The following LARGE1 variants were observed in gnomAD, a reference collection of about 807,000 sequenced individuals.
LARGE1 encodes LARGE xylosyl- and glucuronyltransferase 1, also known as xylosyl- and glucuronyltransferase LARGE1.
Under a neutral mutation model 87.6 loss-of-function variants are expected in LARGE1, and 43 were observed. That is an observed-to-expected ratio of 0.49 (90% confidence interval 0.38 to 0.63). The LOEUF is 0.63. Among genes scored for constraint, LARGE1 ranks in the 30% least tolerant of loss-of-function variants. LARGE1 has a pLI of 0.00. For synonymous variants in LARGE1, 434 were observed against 394.6 expected (o/e 1.10, Z -1.18); for missense variants, 802 against 1,000.2 (o/e 0.80, Z 2.67).
intron 4 of LARGE1, among the ~76,000 whole-genome samples, chr22:33,616,191 T>C (rs944919873): frequency 3.3e-5 from 5 of 152,086 alleles, no homozygotes; most frequent in African/African-American, 1.2e-4. Context: ...AGAACATTCT[T>C]AGCAGAATTG....
intron 7 of LARGE1, among the ~76,000 whole-genome samples, chr22:33,399,456 G>A (rs980463003): frequency 6.6e-6 from 1 of 152,228 alleles, no homozygotes; most frequent in East Asian, 1.9e-4. Flanking sequence ...ACGTGTGCAT[G>A]TGTCTTTATA....
At chr22:33,096,740 T>G in the LARGE1 span, among the ~76,000 whole-genome samples, 2 of 151,920 alleles carry the variant, frequency 1.3e-5, no homozygotes, top group Non-Finnish European at 1.5e-5. Flanking sequence ...AATTTTTTTG[T>G]ATTTTCAGTA....
At chr22:33,633,017 G>C (rs1001699183) in intron 3 of LARGE1, among the ~76,000 whole-genome samples, 1 of 152,140 alleles carries the variant, frequency 6.6e-6, no homozygotes, top group African/African-American at 2.4e-5. Flanking sequence ...ACTGTGAACT[G>C]GGTTCATTCC....
intron 11 of LARGE1, among the ~76,000 whole-genome samples, chr22:33,217,510 T>G (rs1602106117): frequency 6.6e-6 from 1 of 152,308 alleles, no homozygotes; most frequent in Admixed American, 6.5e-5. Flanking sequence ...TGATAATACA[T>G]TCATATGACA....
intron 1 of LARGE1, among the ~76,000 whole-genome samples, chr22:33,827,008 A>C (rs1185946203): frequency 6.6e-6 from 1 of 152,150 alleles, no homozygotes; most frequent in Non-Finnish European, 1.5e-5. Flanking sequence ...CGGATTACCC[A>C]GAAGATGCAG....
intron 1 of LARGE1, among the ~76,000 whole-genome samples, chr22:33,862,434 G>A (rs998782998): frequency 2.6e-5 from 4 of 152,176 alleles, no homozygotes; most frequent in African/African-American, 4.8e-5. Flanking sequence ...GAGGATTGAC[G>A]GCAGTCGCTG....
chr22:33,212,217 G>A (rs540597645), intron 11 of LARGE1, among the ~76,000 whole-genome samples: 123 of 152,032 alleles, frequency 8.1e-4, no homozygotes, highest in African/African-American at 2.9e-3. Context: ...TGGCTTCAAA[G>A]CTTCAAAGGA....
intron 12 of LARGE1, among the ~76,000 whole-genome samples, chr22:33,290,836 C>T (rs1270149708): frequency 6.6e-6 from 1 of 152,016 alleles, no homozygotes; most frequent in Non-Finnish European, 1.5e-5. Flanking sequence ...GTCAGGAGTT[C>T]GAGACCAGCC....
the LARGE1 span, among the ~76,000 whole-genome samples, chr22:33,149,519 T>C: frequency 6.6e-6 from 1 of 152,232 alleles, no homozygotes; most frequent in South Asian, 2.1e-4. Context: ...AGTTTTACAT[T>C]TAGATGTGTG....
At chr22:33,544,764 T>C (rs1264192659) in intron 6 of LARGE1, among the ~76,000 whole-genome samples, 1 of 152,150 alleles carries the variant, frequency 6.6e-6, no homozygotes, top group Non-Finnish European at 1.5e-5. Flanking sequence ...TAATGCTTAC[T>C]AGTTCTGATT....
At chr22:33,482,376 T>C (rs961593073) in intron 6 of LARGE1, among the ~76,000 whole-genome samples, 1 of 152,210 alleles carries the variant, frequency 6.6e-6, no homozygotes, top group African/African-American at 2.4e-5. Flanking sequence ...CATTAAGCCA[T>C]GGTGTTCTAT....
chr22:33,411,340 C>T (rs546700618), intron 7 of LARGE1, among the ~76,000 whole-genome samples: 1 of 152,338 alleles, frequency 6.6e-6, no homozygotes, highest in Admixed American at 6.5e-5. Flanking sequence ...CTTCAAACAC[C>T]TGGACCTTTT....
the LARGE1 span, among the ~76,000 whole-genome samples, chr22:33,101,204 T>C: frequency 6.6e-6 from 1 of 152,178 alleles, no homozygotes; most frequent in African/African-American, 2.4e-5. Flanking sequence ...GTAGAATGCC[T>C]GCAGGGTATT....
chr22:33,286,617 T>A (rs1931584741), intron 12 of LARGE1, among the ~76,000 whole-genome samples: 1 of 152,134 alleles, frequency 6.6e-6, no homozygotes, highest in African/African-American at 2.4e-5. Context: ...CTCTCTAAAC[T>A]GGGGCCCCAG....
At chr22:33,839,055 C>G (rs2063192495) in intron 1 of LARGE1, among the ~76,000 whole-genome samples, 1 of 152,174 alleles carries the variant, frequency 6.6e-6, no homozygotes, top group Admixed American at 6.5e-5. Flanking sequence ...GATATTAGTT[C>G]ATTTTTGCAT....
intron 11 of LARGE1, among the ~76,000 whole-genome samples, chr22:33,234,904 T>C (rs1926177411): frequency 6.6e-6 from 1 of 151,814 alleles, no homozygotes; most frequent in South Asian, 2.1e-4. Context: ...CTGGAATGTG[T>C]TGGGGAATGC....
At chr22:33,510,500 C>T (rs565325609) in intron 6 of LARGE1, among the ~76,000 whole-genome samples, 22 of 152,330 alleles carry the variant, frequency 1.4e-4, no homozygotes, top group African/African-American at 5.1e-4. Context: ...ATCACCTCCG[C>T]TGGTAAGTGT....
intron 2 of LARGE1, among the ~76,000 whole-genome samples, chr22:33,739,638 T>C (rs1201227335): frequency 6.6e-6 from 1 of 152,122 alleles, no homozygotes; most frequent in African/African-American, 2.4e-5. Flanking sequence ...CTGAAACGCA[T>C]CTGCAGAAGC....
chr22:33,718,418 G>C (rs2082975966), intron 2 of LARGE1, among the ~76,000 whole-genome samples: 1 of 152,214 alleles, frequency 6.6e-6, no homozygotes, highest in Admixed American at 6.5e-5. Context: ...TAAGAAAATA[G>C]GACAGGAGGC....
Sources: allele counts gnomAD v4.1 joint callset (sites outside exome capture counted in the v4.1 genomes callset), GRCh38; gene constraint gnomAD v4.1.1; transcripts MANE v1.5; gene names NCBI Gene and HGNC (gene_info 2026-07-23, HGNC 2026-07-21).